CNGA4: variants seen among roughly 807,000 people sequenced by gnomAD.
CNGA4 encodes the protein cyclic nucleotide-gated channel alpha-4.
In CNGA4, 32 loss-of-function variants were observed where a neutral mutation model predicts 45.6. The ratio of observed to expected loss-of-function variants is 0.70; its 90% confidence interval spans 0.53 to 0.94. CNGA4 has a LOEUF of 0.94. CNGA4 is among the 40% of genes least tolerant of loss of function. The probability of loss-of-function intolerance (pLI) is 0.00; values close to 1 mark genes in which losing one functional copy is unlikely to be tolerated. For synonymous variants in CNGA4, 293 were observed against 304.6 expected (o/e 0.96, Z 0.40); for missense variants, 726 against 755.1 (o/e 0.96, Z 0.45).
chr11:6,235,085 A>T (rs939114348), upstream of CNGA4, among the ~76,000 whole-genome samples: 1 of 152,206 alleles, frequency 6.6e-6, no homozygotes, highest in Non-Finnish European at 1.5e-5. Flanking sequence ...GGGTGGGGCC[A>T]TGGATTCCAG....
upstream of CNGA4, among the ~76,000 whole-genome samples, chr11:6,236,746 C>T (rs368040796): frequency 6.6e-6 from 1 of 152,082 alleles, no homozygotes; most frequent in Non-Finnish European, 1.5e-5. Context: ...GATTGTACAC[C>T]TTTCTCTGTG....
At position 6,240,015 on chromosome 11, in the gene CNGA4, G is replaced by A. The variant is rs773230575; in HGVS notation, c.272-51G>A. On this transcript the variant is annotated intron_variant, in intron 3 of 5. Coordinates refer to ENST00000379936, the MANE Select transcript of CNGA4 (RefSeq NM_001037329.4). This position sits in a 1 kb window ranked among gnomAD's most constrained non-coding sequence, Gnocchi z 4.9. ...GCCTGCCCTGGGCAGCTCATGCTCA[G>A]CCCAAGCTTGACTACAGCAGGTCCG... 1.3e-6 allele frequency: 2 copies of A among 1,564,206 alleles called. No homozygotes were observed. The highest frequency in any genetic ancestry group is 1.7e-6 in the Non-Finnish European group (2 of 1,154,578).
upstream of CNGA4, among the ~76,000 whole-genome samples, chr11:6,238,853 A>G (rs955657852): frequency 1.3e-5 from 2 of 152,216 alleles, no homozygotes; most frequent in African/African-American, 4.8e-5. Context: ...GAGGACACCT[A>G]TGTAGCTCAG....
intron 4 of CNGA4, 96 bp from the exon 5 acceptor site, chr11:6,241,334 TG>T: frequency 1.1e-6 from 1 of 950,346 alleles, no homozygotes; most frequent in Non-Finnish European, 1.6e-6. Context: ...CTCAGTATGG[TG>T]GGATTCTTGG....
At chr11:6,235,806 G>T (rs10769673), upstream of CNGA4, among the ~76,000 whole-genome samples, 101,143 of 151,710 alleles carry the variant, frequency 0.67, 36,846 homozygotes, top group East Asian at 0.95. Context: ...GGGCGTAGTG[G>T]CGCGCGCCTG....
In CNGA4 at chr11:6,240,199, C is replaced by T; in HGVS notation, c.405C>T (p.His135=). The T allele has an allele frequency of 6.2e-7, 1 of 1,614,232 alleles. No individual in the cohort carries two copies. Among genetic ancestry groups the T allele is most frequent in the Middle Eastern group, 1.6e-4 (1 of 6,062 alleles). The part of the protein sequence containing the change: ...TDVVYVRLGP[H]TPTLRLNRFL... ...TGGTCTACGTGCGGCTGGGCCCGCACACACCCACCCTGAGGCTGAACCGCT... is the reference window on the plus strand; with the variant it reads ...TGGTCTACGTGCGGCTGGGCCCGCATACACCCACCCTGAGGCTGAACCGCT... Residue 135 remains histidine (H), a synonymous_variant, in exon 4 of 6, where the codon CAC becomes CAT. Transcript: ENST00000379936. This position sits in a 1 kb window ranked among gnomAD's most constrained non-coding sequence, Gnocchi z 4.9.
At chr11:6,242,340 A>T (rs1847930798) in intron 5 of CNGA4, among the ~76,000 whole-genome samples, 1 of 152,082 alleles carries the variant, frequency 6.6e-6, no homozygotes, top group Admixed American at 6.5e-5. Flanking sequence ...AGAAGTTCCC[A>T]TTTACTGACC....
At position 6,239,373 on chromosome 11, in the gene CNGA4, C is replaced by T. The variant is rs1450100960; in HGVS notation, c.63-11C>T. ...TGGTGAATAAATGAAGCAAGACTTT[C>T]TTTCTTACAGGAAGTTGCTGCCTGT... On this transcript the variant is annotated splice_polypyrimidine_tract_variant and intron_variant, in intron 1 of 5. Transcript: ENST00000379936. 1 of 1,614,014 alleles carries T rather than the reference C, an allele frequency of 6.2e-7. No homozygotes were observed. The highest frequency in any genetic ancestry group is 8.5e-7 in the Non-Finnish European group (1 of 1,179,824).
At chr11:6,235,502 A>G (rs1847819658), upstream of CNGA4, 12 of 985,290 alleles carry the variant, frequency 1.2e-5, no homozygotes, top group Non-Finnish European at 1.4e-5. Context: ...TTGCATGTAT[A>G]GAGGATGAGA....
Position 6,240,210 on chromosome 11 carries a change from T to G in CNGA4, c.416T>G (p.Leu139Arg), listed in dbSNP as rs747375893. ...CGGCTGGGCCCGCACACACCCACCCTGAGGCTGAACCGCTTTCTCCGCGCG... is the reference window on the plus strand; with the variant it reads ...CGGCTGGGCCCGCACACACCCACCCGGAGGCTGAACCGCTTTCTCCGCGCG... Reference protein sequence around the residue: ...YVRLGPHTPTLRLNRFLRAPR... With the variant: ...YVRLGPHTPTRRLNRFLRAPR... Residue 139 changes from leucine to arginine, a missense_variant, in exon 4 of 6, where the codon CTG becomes CGG. By Grantham distance (102) the Leu-to-Arg change is moderately radical (BLOSUM62 -2). Transcript: ENST00000379936. The surrounding 1 kb of genome is among the most constrained non-coding windows in gnomAD (Gnocchi z 4.9). The G allele has an allele frequency of 1.2e-6, 2 of 1,614,096 alleles. No individual in the cohort carries two copies. The highest frequency in any genetic ancestry group is 2.7e-5 in the African/African-American group (2 of 74,950).
At position 6,241,431 on chromosome 11, in the gene CNGA4, G is replaced by A. The variant is rs1470588599; in HGVS notation, c.918G>A (p.Trp306Ter). The change falls in exon 5 of 6, where the codon TGG becomes TGA. Residue 306 changes from tryptophan (W) to a stop codon, truncating the protein, a stop_gained and splice_region_variant. Coordinates refer to ENST00000379936, the MANE Select transcript of CNGA4 (RefSeq NM_001037329.4). LOFTEE classifies it high-confidence loss of function. ...GAAATGGCACTGTCCTTACTCTCAG[G>A]TATCAGCACCTGCAGATCAACAAGA... ...NRKLERRVID[W>*]YQHLQINKKM... 9 of 1,572,472 alleles carry A rather than the reference G, an allele frequency of 5.7e-6. No homozygotes were observed. The highest frequency in any genetic ancestry group is 4.0e-5 in the African/African-American group (3 of 74,294).
chr11:6,244,090 A>G lies in CNGA4; in HGVS notation c.1409A>G (p.Glu470Gly), dbSNP rs1208329626. The change falls in exon 6 of 6, where the codon GAG (glutamate) becomes GGG (glycine). Residue 470 changes from glutamate (E) to glycine (G), a missense_variant. Physicochemically the swap from Glu to Gly is moderately conservative, Grantham distance 98. Coordinates refer to ENST00000379936, the MANE Select transcript of CNGA4 (RefSeq NM_001037329.4). This position sits in a 1 kb window ranked among gnomAD's most constrained non-coding sequence, Gnocchi z 4.5. The part of the protein sequence containing the change: ...AQTIMEEKGR[E>G]ILLKMNKLDV... The stretch of plus-strand genomic sequence containing the variant: ...ACCATCATGGAGGAGAAAGGACGTG[A>G]GATCCTGCTGAAAATGAACAAGTTG... 6.2e-7 allele frequency: 1 copy of G among 1,614,234 alleles called. No homozygotes were observed. The highest frequency in any genetic ancestry group is 8.5e-7 in the Non-Finnish European group (1 of 1,180,034).
At chr11:6,238,999 G>A (rs538774872), upstream of CNGA4, 7 of 1,415,204 alleles carry the variant, frequency 4.9e-6, no homozygotes, top group South Asian at 9.1e-5. Context: ...CTGGGAGACA[G>A]GGCAGAGTGC....
At chr11:6,241,247 T>C (rs541409524) in intron 4 of CNGA4, among the ~76,000 whole-genome samples, 184 bp from the exon 5 acceptor site, 3 of 152,152 alleles carry the variant, frequency 2.0e-5, no homozygotes, top group Non-Finnish European at 4.4e-5. Context: ...TGAAGGGTTA[T>C]GTAAAGTGGT....
intron 5 of CNGA4, among the ~76,000 whole-genome samples, chr11:6,243,433 C>T (rs1330896076): frequency 6.6e-6 from 1 of 152,086 alleles, no homozygotes; most frequent in Non-Finnish European, 1.5e-5. Flanking sequence ...TTTCAAACAA[C>T]CAAAACAACC....
chr11:6,237,857 T>C (rs1354473830), upstream of CNGA4, among the ~76,000 whole-genome samples: 1 of 152,230 alleles, frequency 6.6e-6, no homozygotes, highest in Non-Finnish European at 1.5e-5. Context: ...ACAGGTTCTC[T>C]ATTGCCGTTG....
rs761091560 is a variant in CNGA4, at chr11:6,240,130, C to T, written c.336C>T (p.Thr112=). The T allele has an allele frequency of 3.1e-6, 5 of 1,614,202 alleles. No homozygotes were observed. Among genetic ancestry groups the T allele is most frequent in the Non-Finnish European group, 4.2e-6 (5 of 1,180,028 alleles). Reference sequence around the variant, plus strand: ...GGATCTCGAGTCGCTACGTTCGCACCTGGAGTTTCTTCTTGGACCTGGCTT... The same window carrying T: ...GGATCTCGAGTCGCTACGTTCGCACTTGGAGTTTCTTCTTGGACCTGGCTT... The part of the protein sequence containing the change: ...KGRISSRYVR[T]WSFFLDLASL... The change falls in exon 4 of 6, where the codon ACC becomes ACT. Residue 112 remains threonine, a synonymous_variant. Transcript: ENST00000379936. The surrounding 1 kb of genome is among the most constrained non-coding windows in gnomAD (Gnocchi z 4.9).
Position 6,239,408 on chromosome 11 carries a change from A to G in CNGA4, c.87A>G (p.Pro29=). ...KARKLLPVLD[P]SGDYYYWWLN... ...GGAAGTTGCTGCCTGTCCTGGACCC[A>G]TCTGGGGATTACTACTACTGGTGGC... Residue 29 remains proline (P), a synonymous_variant, in exon 2 of 6, where the codon CCA becomes CCG. Coordinates refer to ENST00000379936, the MANE Select transcript of CNGA4 (RefSeq NM_001037329.4). 1.9e-6 allele frequency: 3 copies of G among 1,614,202 alleles called. No homozygotes were observed. Among genetic ancestry groups the G allele is most frequent in the Non-Finnish European group, 2.5e-6 (3 of 1,180,026 alleles).
Position 6,239,265 on chromosome 11 carries a change from C to G in CNGA4, c.59C>G (p.Ala20Gly). Residue 20 changes from alanine (A) to glycine (G), a missense_variant, in exon 1 of 6, where the codon GCC becomes GGC. Transcript: ENST00000379936. ...TCCAGTCCCCCAGCCCCATCCAAGG[C>G]CAGGTGAGAAGTCCTGGTCCCTTGT... ...TESSPPAPSKARKLLPVLDPS... is the reference protein window; with the variant it reads ...TESSPPAPSKGRKLLPVLDPS... 3.7e-6 allele frequency: 6 copies of G among 1,614,202 alleles called. No individual in the cohort carries two copies. Among genetic ancestry groups the G allele is most frequent in the Non-Finnish European group, 5.1e-6 (6 of 1,180,008 alleles).
Sources: gnomAD v4.1 joint callset for allele counts (sites outside exome capture counted in the v4.1 genomes callset) on GRCh38, gnomAD v4.1.1 for gene constraint, Gnocchi (gnomAD v3.1) non-coding constraint, MANE v1.5 for transcripts, NCBI Gene and HGNC (gene_info 2026-07-23, HGNC 2026-07-21) for gene names.